Variants in MED27 observed in about 807,000 individuals in gnomAD.
The protein encoded by MED27 is mediator complex subunit 27, also known as mediator of RNA polymerase II transcription subunit 27.
MED27 carries 30 observed loss-of-function variants against 38.2 expected under a neutral mutation model. The ratio of observed to expected loss-of-function variants is 0.79; its 90% confidence interval spans 0.59 to 1.07. The LOEUF (loss-of-function observed/expected upper bound fraction) is 1.07. MED27 is among the 50% of genes least tolerant of loss of function. The pLI, the probability that MED27 is intolerant of heterozygous loss-of-function variation, is 0.00. For synonymous variants in MED27, 122 were observed against 153.5 expected, an observed-to-expected ratio of 0.79 and a Z score of 1.52; for missense variants, 289 against 397.5, an observed-to-expected ratio of 0.73 and a Z score of 2.32.
intron 3 of MED27, among the ~76,000 whole-genome samples, chr9:131,966,836 T>G (rs1831361255): frequency 6.6e-6 from 1 of 152,174 alleles, no homozygotes; most frequent in South Asian, 2.1e-4. Context: ...AATATCAACC[T>G]CACAGGAATT....
intron 4 of MED27, among the ~76,000 whole-genome samples, chr9:131,937,222 A>G (rs561457028): frequency 9.8e-5 from 15 of 152,298 alleles, no homozygotes; most frequent in African/African-American, 3.6e-4. Context: ...AGTAAATGCC[A>G]AATGCAGGCA....
intron 2 of MED27, among the ~76,000 whole-genome samples, chr9:132,047,184 G>C (rs1336711369): frequency 6.6e-6 from 1 of 152,002 alleles, no homozygotes; most frequent in Non-Finnish European, 1.5e-5. Context: ...CCTCAGTTCA[G>C]TATTACCCAG....
At chr9:131,940,749 G>T (rs1830772738) in intron 3 of MED27, among the ~76,000 whole-genome samples, 2 of 152,138 alleles carry the variant, frequency 1.3e-5, no homozygotes, top group Non-Finnish European at 1.5e-5. Context: ...AGTTTTCTAT[G>T]TATCTGTTAC....
intron 3 of MED27, among the ~76,000 whole-genome samples, chr9:131,971,082 A>G (rs1469641144): frequency 6.6e-6 from 1 of 152,250 alleles, no homozygotes. Flanking sequence ...GCAACAACAA[A>G]AAAGCAAAAG....
At chr9:131,921,543 G>A (rs1830391896) in intron 4 of MED27, among the ~76,000 whole-genome samples, 1 of 152,252 alleles carries the variant, frequency 6.6e-6, no homozygotes, top group Admixed American at 6.5e-5. Flanking sequence ...TGGAGAGAAT[G>A]TGGAGAAATA....
At chr9:131,915,291 C>G (rs765857442) in intron 4 of MED27, among the ~76,000 whole-genome samples, 1 of 152,106 alleles carries the variant, frequency 6.6e-6, no homozygotes, top group Non-Finnish European at 1.5e-5. Context: ...TATTTTAAGG[C>G]AAAAACTAAC....
At chr9:132,015,635 G>A (rs1394460908) in intron 2 of MED27, among the ~76,000 whole-genome samples, 2 of 152,074 alleles carry the variant, frequency 1.3e-5, no homozygotes, top group Non-Finnish European at 1.5e-5. Context: ...AATCCCCTTA[G>A]CACCTAACAT....
Position 131,913,800 on chromosome 9 carries a change from T to C in MED27, c.574-19808A>G, listed in dbSNP as rs187821527. Among the ~76,000 whole-genome samples, 2 of 152,238 alleles carry C rather than the reference T, an allele frequency of 1.3e-5. No individual in the cohort carries two copies. Among genetic ancestry groups the C allele is most frequent in the East Asian group, 3.9e-4 (2 of 5,180 alleles). On this transcript the variant is annotated intron_variant, in intron 4 of 7. Transcript: ENST00000292035. This position sits in a 1 kb window ranked among gnomAD's most constrained non-coding sequence, Gnocchi z 4.5. ...TCAATTCTGGGGCGAAACTGACACT[T>C]CTAACAAGCACCGAGGGCGGTCCAA...
chr9:131,946,646 C>T (rs1254991932), intron 3 of MED27, among the ~76,000 whole-genome samples: 1 of 152,060 alleles, frequency 6.6e-6, no homozygotes, highest in African/African-American at 2.4e-5. Flanking sequence ...GTCTCAAGTC[C>T]TAGGAGGGCC....
At chr9:132,013,804 C>T (rs192489719) in intron 3 of MED27, among the ~76,000 whole-genome samples, 1 of 152,038 alleles carries the variant, frequency 6.6e-6, no homozygotes, top group East Asian at 1.9e-4. Context: ...AAGTCACATA[C>T]AAAATATGTA....
chr9:131,951,757 C>CA (rs1831002087), intron 3 of MED27, among the ~76,000 whole-genome samples: 1 of 152,114 alleles, frequency 6.6e-6, no homozygotes, highest in Non-Finnish European at 1.5e-5. Context: ...TTTTTCTGCA[C>CA]AAAAAGGTTA....
chr9:131,860,908 A>G lies in MED27; in HGVS notation c.802-236T>C, dbSNP rs1054626512. On this transcript the variant is annotated intron_variant, in intron 7 of 7. Transcript: ENST00000292035. This position sits in a 1 kb window ranked among gnomAD's most constrained non-coding sequence, Gnocchi z 5.8. ...AGGAGTTTTGAAAACAGAAACCCCTACTCTCAAAAGCAGGAAGGCCTCCCT... is the reference window on the plus strand; with the variant it reads ...AGGAGTTTTGAAAACAGAAACCCCTGCTCTCAAAAGCAGGAAGGCCTCCCT... Among the ~76,000 whole-genome samples the G allele has an allele frequency of 6.6e-6, 1 of 151,804 alleles. No individual in the cohort carries two copies. Among genetic ancestry groups the G allele is most frequent in the African/African-American group, 2.4e-5 (1 of 41,308 alleles).
At chr9:131,988,280 C>T (rs899676750) in intron 3 of MED27, among the ~76,000 whole-genome samples, 2 of 152,100 alleles carry the variant, frequency 1.3e-5, no homozygotes, top group South Asian at 2.1e-4. Flanking sequence ...GGTACCTATT[C>T]ATTAAAGGAG....
At chr9:131,863,368 C>T (rs550766256) in intron 6 of MED27, among the ~76,000 whole-genome samples, 2 of 152,192 alleles carry the variant, frequency 1.3e-5, no homozygotes, top group African/African-American at 2.4e-5. Context: ...AGGCAGGGGG[C>T]GTGTGGAAGA....
rs1181777246 is a variant in MED27 at position 131,961,358 on chromosome 9, T to G, written c.480-21884A>C. 3.3e-5 allele frequency among the ~76,000 whole-genome samples: 5 copies of G among 152,302 alleles called. No homozygotes were observed. In the East Asian group the frequency reaches 7.7e-4, roughly 24 times the overall value. On this transcript the variant is annotated intron_variant, in intron 3 of 7. Transcript: ENST00000292035. ...ATCACATCCCAAACACAGAACAGGA[T>G]TTTTTCCCTGCCTGAAATGCTCTCT...
chr9:131,926,294 A>G (rs1041269090), intron 4 of MED27, among the ~76,000 whole-genome samples: 4 of 147,458 alleles, frequency 2.7e-5, no homozygotes, highest in Non-Finnish European at 5.9e-5. Flanking sequence ...ACGCCTTAGT[A>G]GCATATCTCA....
chr9:132,045,620 C>T (rs1003865957), intron 2 of MED27, among the ~76,000 whole-genome samples: 1 of 152,168 alleles, frequency 6.6e-6, no homozygotes. Flanking sequence ...GCTTGTTTTA[C>T]AACAAACAGA....
intron 3 of MED27, among the ~76,000 whole-genome samples, chr9:131,943,043 C>G (rs895845544): frequency 6.6e-6 from 1 of 152,164 alleles, no homozygotes; most frequent in African/African-American, 2.4e-5. Context: ...CCCGTGACCT[C>G]AGACAAAGCT....
rs1564303381 is a variant in MED27, at chr9:131,966,198, T to TAAAAA, written c.480-26725_480-26724insTTTTT. On this transcript the variant is annotated intron_variant, in intron 3 of 7. Coordinates refer to ENST00000292035, the MANE Select transcript of MED27 (RefSeq NM_004269.4). ...GGAAACACAGTGAGAGCCTGTTTCT[T>TAAAAA]TAAAAAAAAAAAAAAAACAAAACAA... Among the ~76,000 whole-genome samples the TAAAAA allele has an allele frequency of 1.0e-4, 9 of 88,514 alleles. 1 individual carries two copies. Among genetic ancestry groups the TAAAAA allele is most frequent in the African/African-American group, 1.3e-4 (3 of 23,852 alleles). 58.1% of individuals were successfully genotyped at this position (88,514 alleles called of 152,430 possible). A position where few individuals can be genotyped will look rare whatever the true frequency, so the allele number is the denominator to read the frequency against.
Sources: allele counts gnomAD v4.1 joint callset (sites outside exome capture counted in the v4.1 genomes callset), GRCh38; gene constraint gnomAD v4.1.1; non-coding constraint Gnocchi (gnomAD v3.1); transcripts MANE v1.5; gene names NCBI Gene and HGNC (gene_info 2026-07-23, HGNC 2026-07-21).